Variants in EPHA6 observed in about 807,000 individuals in gnomAD.
The protein encoded by EPHA6 is EPH receptor A6, also known as ephrin type-A receptor 6.
EPHA6 carries 50 observed loss-of-function variants against 112.0 expected under a neutral mutation model. The ratio of observed to expected loss-of-function variants is 0.45; its 90% CI spans 0.36 to 0.56. The LOEUF (loss-of-function observed/expected upper bound fraction) is 0.56, where lower values mean the gene tolerates loss of function less well. EPHA6 is among the 20% of genes least tolerant of loss of function. EPHA6 has a pLI of 0.00. For missense variants in EPHA6, 1,280 were observed against 1,417.4 expected (o/e 0.90, Z 1.56); for synonymous variants, 529 against 490.7 (o/e 1.08, Z -1.03).
At chr3:96,845,802 C>T (rs1212169986) in intron 1 of EPHA6, among the ~76,000 whole-genome samples, 1 of 151,936 alleles carries the variant, frequency 6.6e-6, no homozygotes, top group Non-Finnish European at 1.5e-5. Context: ...TGATTCAGAA[C>T]TGGCTCAACT....
At chr3:96,851,881 A>G (rs1430069422) in intron 1 of EPHA6, among the ~76,000 whole-genome samples, 1 of 152,194 alleles carries the variant, frequency 6.6e-6, no homozygotes, top group Non-Finnish European at 1.5e-5. Context: ...GCAGGGACGC[A>G]GAAGCGTCAT....
At chr3:96,937,749 T>C (rs1345117864) in intron 2 of EPHA6, among the ~76,000 whole-genome samples, 3 of 152,180 alleles carry the variant, frequency 2.0e-5, no homozygotes, top group African/African-American at 7.2e-5. Context: ...AGGTCTAACA[T>C]TGAAGTCTTT....
intron 3 of EPHA6, among the ~76,000 whole-genome samples, chr3:97,101,298 T>C (rs550341221): frequency 2.0e-5 from 3 of 152,128 alleles, no homozygotes; most frequent in African/African-American, 7.2e-5. Context: ...TTCAGAGACA[T>C]TGAGTGGCTT....
chr3:97,750,147 T>C lies in EPHA6; in HGVS notation c.*1446T>C, dbSNP rs1349597066. Among the ~76,000 whole-genome samples, 1 of 151,828 alleles carries C rather than the reference T, an allele frequency of 6.6e-6. No individual in the cohort carries two copies. The highest frequency in any genetic ancestry group is 1.5e-5 in the Non-Finnish European group (1 of 67,948). On this transcript the variant is annotated 3_prime_UTR_variant, in exon 18 of 18. Coordinates refer to ENST00000389672, the MANE Select transcript of EPHA6 (RefSeq NM_001080448.3). ...ATGACGACTGTTTTAGGTGAAAGAG[T>C]AAGTAAAATGTGTTGAGAGAAAAAA...
At chr3:96,986,576 A>C (rs114493848) in intron 2 of EPHA6, among the ~76,000 whole-genome samples, 2,111 of 152,200 alleles carry the variant, frequency 0.014, 59 homozygotes, top group African/African-American at 0.048. Flanking sequence ...CACCCACTTA[A>C]AATTATAACC....
intron 14 of EPHA6, among the ~76,000 whole-genome samples, chr3:97,710,397 G>T (rs1313403147): frequency 6.6e-6 from 1 of 152,196 alleles, no homozygotes; most frequent in Non-Finnish European, 1.5e-5. Flanking sequence ...TGCAATAGCT[G>T]CAAAAGAAGA....
intron 5 of EPHA6, among the ~76,000 whole-genome samples, chr3:97,303,480 G>A (rs556832211): frequency 6.6e-6 from 1 of 152,020 alleles, no homozygotes; most frequent in African/African-American, 2.4e-5. Flanking sequence ...AATTAATTAG[G>A]GAACTTGGCT....
At chr3:97,702,000 A>G (rs187132269) in intron 14 of EPHA6, among the ~76,000 whole-genome samples, 393 of 152,316 alleles carry the variant, frequency 2.6e-3, no homozygotes, top group Admixed American at 5.0e-3. Context: ...CTGCTCTGAC[A>G]GTCTGACCCT....
chr3:97,151,857 AT>A (rs2076178922), intron 3 of EPHA6, among the ~76,000 whole-genome samples: 1 of 151,974 alleles, frequency 6.6e-6, no homozygotes, highest in African/African-American at 2.4e-5. Context: ...TGATTATATT[AT>A]TTTAAATCAG....
rs761988514 is a variant in EPHA6, at chr3:97,752,922, T to A, written c.*4221T>A. On this transcript the variant is annotated 3_prime_UTR_variant, in exon 18 of 18. Transcript: ENST00000389672. Reference sequence around the variant, plus strand: ...AGTATGAGCATCTTAACTTTTCCAATCTCAAATTCTGTGAAGTAGAAGAGA... The same window carrying A: ...AGTATGAGCATCTTAACTTTTCCAAACTCAAATTCTGTGAAGTAGAAGAGA... 1.3e-4 allele frequency among the ~76,000 whole-genome samples: 20 copies of A among 152,232 alleles called. 1 individual carries two copies. Among genetic ancestry groups the A allele is most frequent in the Middle Eastern group, 6.8e-3 (2 of 294 alleles).
chr3:97,565,236 A>G (rs1007199782), intron 11 of EPHA6, among the ~76,000 whole-genome samples: 5 of 149,262 alleles, frequency 3.3e-5, no homozygotes, highest in Admixed American at 6.6e-5. Context: ...ATCACATGCT[A>G]TAAATATTCA....
At chr3:97,641,957 C>T (rs928839053) in intron 14 of EPHA6, among the ~76,000 whole-genome samples, 2 of 150,378 alleles carry the variant, frequency 1.3e-5, no homozygotes, top group African/African-American at 4.9e-5. Context: ...GGAGGCCTGC[C>T]TGCCTCTGTA....
At chr3:97,663,538 A>G (rs2094184545) in intron 14 of EPHA6, among the ~76,000 whole-genome samples, 1 of 133,124 alleles carries the variant, frequency 7.5e-6, no homozygotes, top group Admixed American at 8.9e-5. Flanking sequence ...CCTCTATCCA[A>G]GTGTTCTCAT....
chr3:97,558,957 G>T (rs1360481318), intron 11 of EPHA6, among the ~76,000 whole-genome samples: 1 of 151,888 alleles, frequency 6.6e-6, no homozygotes. Context: ...TATATAAATT[G>T]CCAGTAAAGT....
At chr3:97,348,281 C>T (rs1217921959) in intron 5 of EPHA6, among the ~76,000 whole-genome samples, 1 of 152,032 alleles carries the variant, frequency 6.6e-6, no homozygotes, top group African/African-American at 2.4e-5. Context: ...ATTCAGTTGA[C>T]AATGATATTC....
intron 3 of EPHA6, among the ~76,000 whole-genome samples, chr3:97,077,536 C>A (rs1395927084): frequency 6.6e-6 from 1 of 152,006 alleles, no homozygotes; most frequent in African/African-American, 2.4e-5. Flanking sequence ...CTATCCCTGC[C>A]CCCGCCCCAT....
At chr3:97,373,756 C>T (rs572256508) in intron 5 of EPHA6, among the ~76,000 whole-genome samples, 14 of 152,210 alleles carry the variant, frequency 9.2e-5, no homozygotes, top group African/African-American at 2.9e-4. Flanking sequence ...CTTTATATTA[C>T]TAAGAATTCA....
chr3:97,419,272 T>A (rs2088403733), intron 6 of EPHA6, among the ~76,000 whole-genome samples: 1 of 150,770 alleles, frequency 6.6e-6, no homozygotes, highest in Non-Finnish European at 1.5e-5. Context: ...CATTGCACTC[T>A]AGCCTGGGCA....
intron 9 of EPHA6, chr3:97,481,632 G>C (rs2091553070): frequency 2.3e-6 from 1 of 440,512 alleles, no homozygotes; most frequent in South Asian, 2.0e-5. Context: ...CCCTAGGCCC[G>C]CCGCTTGGAG....
Sources: allele counts gnomAD v4.1 joint callset (sites outside exome capture counted in the v4.1 genomes callset), GRCh38; gene constraint gnomAD v4.1.1; transcripts MANE v1.5; gene names NCBI Gene and HGNC (gene_info 2026-07-23, HGNC 2026-07-21).